The following ARID4A variants were observed in gnomAD, a reference collection of about 807,000 sequenced individuals.
ARID4A encodes the protein AT-rich interaction domain 4A, also known as AT-rich interactive domain-containing protein 4A.
In ARID4A, 39 loss-of-function variants were observed where a neutral mutation model predicts 148.6. The ratio of observed to expected loss-of-function variants is 0.26; its 90% CI spans 0.20 to 0.34. The LOEUF (loss-of-function observed/expected upper bound fraction) is 0.34, where lower values mean the gene tolerates loss of function less well. ARID4A is among the 10% of genes least tolerant of loss of function. The probability of loss-of-function intolerance (pLI) is 1.00; values close to 1 mark genes in which losing one functional copy is unlikely to be tolerated. For missense variants in ARID4A, 1,265 were observed against 1,449.1 expected (o/e 0.87, Z 2.06); for synonymous variants, 475 against 481.2 (o/e 0.99, Z 0.17).
At chr14:58,323,436 C>G in intron 7 of ARID4A, 49 bp from the exon 8 acceptor site, 1 of 1,575,332 alleles carries the variant, frequency 6.3e-7, no homozygotes, top group South Asian at 1.1e-5. Flanking sequence ...TACTCTGTAT[C>G]AAATAATTGT....
At chr14:58,300,154 A>G (rs2031022699) in intron 2 of ARID4A, among the ~76,000 whole-genome samples, 1 of 152,160 alleles carries the variant, frequency 6.6e-6, no homozygotes, top group Non-Finnish European at 1.5e-5. Flanking sequence ...TGCAGAAGTA[A>G]AGCTTTTGTC....
chr14:58,344,939 C>T (rs1191640734), intron 12 of ARID4A, among the ~76,000 whole-genome samples, 172 bp downstream of exon 12: 3 of 152,096 alleles, frequency 2.0e-5, no homozygotes, highest in South Asian at 4.1e-4. Context: ...GTGATTTGCT[C>T]CTGGCTTACT....
chr14:58,350,497 G>T (rs2034586351), intron 15 of ARID4A, among the ~76,000 whole-genome samples: 1 of 152,112 alleles, frequency 6.6e-6, no homozygotes, highest in Non-Finnish European at 1.5e-5. Flanking sequence ...ATTGCTGTTG[G>T]CCCAGCGAGC....
At chr14:58,309,228 G>A (rs924730055) in intron 5 of ARID4A, among the ~76,000 whole-genome samples, 7 of 152,112 alleles carry the variant, frequency 4.6e-5, no homozygotes, top group Non-Finnish European at 5.9e-5. Flanking sequence ...CAGTCTTACC[G>A]CCTTAGCCTC....
intron 15 of ARID4A, among the ~76,000 whole-genome samples, 158 bp downstream of exon 15, chr14:58,348,036 A>G (rs1038944761): frequency 3.9e-5 from 6 of 152,158 alleles, no homozygotes; most frequent in Non-Finnish European, 7.4e-5. Flanking sequence ...TATATTGTAT[A>G]TTATTTCCTC....
chr14:58,333,817 A>G (rs1331627692), intron 11 of ARID4A, among the ~76,000 whole-genome samples: 7 of 152,296 alleles, frequency 4.6e-5, no homozygotes, highest in African/African-American at 1.4e-4. Context: ...TAAATGCTGG[A>G]TAACTTAGGA....
intron 17 of ARID4A, among the ~76,000 whole-genome samples, chr14:58,356,416 C>T (rs767805930): frequency 1.6e-4 from 25 of 152,192 alleles, no homozygotes; most frequent in Non-Finnish European, 3.2e-4. Flanking sequence ...TTATTCTCTA[C>T]ATACTTCCTG....
chr14:58,366,481 A>C (rs2035365250), intron 22 of ARID4A, among the ~76,000 whole-genome samples: 1 of 152,218 alleles, frequency 6.6e-6, no homozygotes, highest in East Asian at 1.9e-4. Context: ...TATATAAATC[A>C]GTGAAATTGA....
At position 58,318,761 on chromosome 14, in the gene ARID4A, A is replaced by T. The variant is rs1566677812; in HGVS notation, c.405A>T (p.Val135=). 1.2e-6 allele frequency: 2 copies of T among 1,614,148 alleles called. No homozygotes were observed. The highest frequency in any genetic ancestry group is 1.7e-6 in the Non-Finnish European group (2 of 1,179,998). ...LTNPEHFGTP[V]IAKKTNRGRR... is the part of the protein sequence containing the mutation. Reference sequence around the variant, plus strand: ...ATCCAGAGCATTTTGGAACTCCAGTAATTGCAAAGAAGACGAACAGAGGAA... The same window carrying T: ...ATCCAGAGCATTTTGGAACTCCAGTTATTGCAAAGAAGACGAACAGAGGAA... The change falls in exon 7 of 24, where the codon GTA becomes GTT. Residue 135 remains valine, a synonymous_variant. Coordinates refer to ENST00000355431, the MANE Select transcript of ARID4A (RefSeq NM_002892.4).
intron 11 of ARID4A, chr14:58,331,627 C>T (rs1289697026): frequency 6.6e-6 from 1 of 151,900 alleles, no homozygotes; most frequent in African/African-American, 2.4e-5. Context: ...CAGAACCAAG[C>T]GATATTCTTT....
At chr14:58,339,147 A>ATT (rs560057868) in intron 11 of ARID4A, among the ~76,000 whole-genome samples, 1 of 145,746 alleles carries the variant, frequency 6.9e-6, no homozygotes. Context: ...ATTTATTATT[A>ATT]TTTTTTTTTT....
At chr14:58,363,374 T>C (rs947072415) in intron 19 of ARID4A, among the ~76,000 whole-genome samples, 2 of 152,190 alleles carry the variant, frequency 1.3e-5, no homozygotes, top group African/African-American at 4.8e-5. Flanking sequence ...TTAAGAATAT[T>C]TAAAGTTTTG....
Position 58,344,139 on chromosome 14 carries a change from A to G in ARID4A, c.907-556A>G, listed in dbSNP as rs2034244787. 2.0e-5 allele frequency among the ~76,000 whole-genome samples: 3 copies of G among 152,188 alleles called. No individual in the cohort carries two copies. In the South Asian group the frequency reaches 6.2e-4, roughly 31 times the overall value. On this transcript the variant is annotated intron_variant, in intron 11 of 23. Transcript: ENST00000355431. Reference sequence around the variant, plus strand: ...ATGAGGGGGTGATGAGGTCTGGGGTAAAATAGAATGTATATGACTCACTTA... The same window carrying G: ...ATGAGGGGGTGATGAGGTCTGGGGTGAAATAGAATGTATATGACTCACTTA...
At chr14:58,328,400 TTTA>T (rs1439089017) in intron 9 of ARID4A, 84 bp downstream of exon 9, 1 of 923,088 alleles carries the variant, frequency 1.1e-6, no homozygotes, top group African/African-American at 1.7e-5. Flanking sequence ...CCACCAAAAC[TTTA>T]TTTTTAAAAG....
chr14:58,362,747 A>G (rs1260885088), intron 19 of ARID4A, among the ~76,000 whole-genome samples: 2 of 152,066 alleles, frequency 1.3e-5, no homozygotes, highest in African/African-American at 4.8e-5. Flanking sequence ...TAGCAGCAAT[A>G]GGGTTTTACT....
intron 7 of ARID4A, among the ~76,000 whole-genome samples, chr14:58,320,620 T>TTTC (rs1405880670): frequency 6.8e-6 from 1 of 147,712 alleles, no homozygotes; most frequent in African/African-American, 2.5e-5. Context: ...TTTTTTTTTT[T>TTTC]CCCCTGAGAC....
chr14:58,312,918 G>C (rs1348732891), intron 5 of ARID4A, among the ~76,000 whole-genome samples: 1 of 152,190 alleles, frequency 6.6e-6, no homozygotes, highest in East Asian at 1.9e-4. Flanking sequence ...TTAATTTACT[G>C]TTATTATTTT....
rs45562837 is a variant in ARID4A, at chr14:58,301,615, C to T, written c.42C>T (p.Thr14=). The T allele has an allele frequency of 0.071, 114,849 of 1,613,226 alleles. 4,748 individuals carry two copies. The highest frequency in any genetic ancestry group is 0.12 in the South Asian group (11,329 of 90,988). ...AGCCTGCCTACCTGACAGTGGGAAC[C>T]GATGTCAGTGCCAAGTACCGAGGTG... The part of the protein sequence containing the change: ...ADEPAYLTVG[T]DVSAKYRGAF... The change falls in exon 3 of 24, where the codon ACC becomes ACT. Residue 14 remains threonine (T), a synonymous_variant. Coordinates refer to ENST00000355431, the MANE Select transcript of ARID4A (RefSeq NM_002892.4).
At position 58,373,706 on chromosome 14, in the gene ARID4A, T is replaced by C. The variant is rs912472762; in HGVS notation, c.*1717T>C. ...AATAAAAATGGAGCTCAGTGGGCAG[T>C]ATTAATAAAGGCCATGTTTTAAACA... On this transcript the variant is annotated 3_prime_UTR_variant, in exon 24 of 24. Coordinates refer to ENST00000355431, the MANE Select transcript of ARID4A (RefSeq NM_002892.4). 2 of 173,116 alleles carry C rather than the reference T, an allele frequency of 1.2e-5. No homozygotes were observed. Among genetic ancestry groups the C allele is most frequent in the African/African-American group, 4.7e-5 (2 of 42,118 alleles). 10.7% of individuals were successfully genotyped at this position (173,116 alleles called of 1,614,324 possible).
Sources: gnomAD v4.1 joint callset for allele counts (sites outside exome capture counted in the v4.1 genomes callset) on GRCh38, gnomAD v4.1.1 for gene constraint, MANE v1.5 for transcripts, NCBI Gene and HGNC (gene_info 2026-07-23, HGNC 2026-07-21) for gene names.